Variants in PACRG observed in about 807,000 individuals in gnomAD.
The protein encoded by PACRG is parkin coregulated.
In PACRG, 29 loss-of-function variants were observed where a neutral mutation model predicts 29.7. The observed-to-expected ratio is 0.98, with a 90% CI of 0.73 to 1.33. The LOEUF is 1.33. Among genes scored for constraint, PACRG ranks in the 40% most tolerant of loss-of-function variants. PACRG has a pLI of 0.00. For synonymous variants in PACRG, 116 were observed against 118.7 expected (o/e 0.98, Z 0.15); for missense variants, 279 against 316.2 (o/e 0.88, Z 0.89).
intron 4 of PACRG, among the ~76,000 whole-genome samples, chr6:163,104,265 C>G (rs975612062): frequency 3.3e-5 from 5 of 152,160 alleles, no homozygotes; most frequent in African/African-American, 1.2e-4. Flanking sequence ...CAAACAGAAT[C>G]TTCTAACTTT....
intron 4 of PACRG, among the ~76,000 whole-genome samples, chr6:163,230,173 C>T (rs1444077484): frequency 5.3e-5 from 8 of 152,130 alleles, no homozygotes; most frequent in Admixed American, 5.2e-4. Context: ...TTTTAAAGAG[C>T]TTAGCAAATA....
intron 2 of PACRG, among the ~76,000 whole-genome samples, chr6:162,968,982 G>T (rs539513284): frequency 1.4e-5 from 2 of 147,388 alleles, no homozygotes; most frequent in African/African-American, 5.1e-5. Context: ...AGGAAGCGAA[G>T]GTTGCAGTGA....
At chr6:163,253,485 G>C (rs116257931) in intron 4 of PACRG, among the ~76,000 whole-genome samples, 1 of 152,228 alleles carries the variant, frequency 6.6e-6, no homozygotes, top group Non-Finnish European at 1.5e-5. Context: ...CTAAATGTCT[G>C]TCTATCTAAA....
At chr6:162,980,742 A>G (rs767649695) in intron 2 of PACRG, among the ~76,000 whole-genome samples, 1 of 152,172 alleles carries the variant, frequency 6.6e-6, no homozygotes, top group Non-Finnish European at 1.5e-5. Flanking sequence ...TATTTGCCTG[A>G]TATAAATATT....
At chr6:163,272,909 T>TTTTTTTTTTTTTG (rs1783890312) in intron 4 of PACRG, among the ~76,000 whole-genome samples, 1 of 132,324 alleles carries the variant, frequency 7.6e-6, no homozygotes, top group African/African-American at 3.3e-5. Flanking sequence ...TTTTTTTTTT[T>TTTTTTTTTTTTTG]GAGACGGAGT....
chr6:162,882,930 G>A (rs9295202), intron 2 of PACRG, among the ~76,000 whole-genome samples: 59,677 of 152,074 alleles, frequency 0.39, 12,113 homozygotes, highest in Middle Eastern at 0.45. Flanking sequence ...TAGCATTTGT[G>A]TGAATGCTTA....
chr6:163,166,097 A>G (rs1289679384), intron 4 of PACRG: 3 of 456,298 alleles, frequency 6.6e-6, no homozygotes, highest in South Asian at 1.5e-5. Flanking sequence ...AGAAGCTCCA[A>G]TTCCTCGGCT....
chr6:163,018,641 T>A (rs1037740797), intron 2 of PACRG, among the ~76,000 whole-genome samples: 2 of 152,232 alleles, frequency 1.3e-5, no homozygotes, highest in African/African-American at 4.8e-5. Context: ...ATTTTATTTT[T>A]ATTTTCAGTG....
intron 2 of PACRG, among the ~76,000 whole-genome samples, chr6:162,944,840 G>A (rs555364646): frequency 6.6e-6 from 1 of 151,986 alleles, no homozygotes; most frequent in African/African-American, 2.4e-5. Flanking sequence ...ACACCATAAA[G>A]TGTCCAAATA....
At chr6:162,875,207 TCACA>T (rs939269046) in intron 2 of PACRG, among the ~76,000 whole-genome samples, 9 of 138,846 alleles carry the variant, frequency 6.5e-5, no homozygotes, top group South Asian at 2.4e-4. Context: ...CCACGCACAT[TCACA>T]CACACACATG....
chr6:163,012,794 C>T (rs920487256), intron 2 of PACRG, among the ~76,000 whole-genome samples: 1 of 152,210 alleles, frequency 6.6e-6, no homozygotes, highest in African/African-American at 2.4e-5. Flanking sequence ...GTGCAGGCAC[C>T]ATCTCCGCTT....
intron 4 of PACRG, among the ~76,000 whole-genome samples, chr6:163,213,127 T>C (rs112623861): frequency 0.16 from 24,852 of 152,090 alleles, 2,252 homozygotes; most frequent in Middle Eastern, 0.27. Context: ...GGCTATGAAA[T>C]GGACAAATTA....
intron 2 of PACRG, among the ~76,000 whole-genome samples, chr6:162,968,668 T>C (rs562480385): frequency 6.6e-6 from 1 of 152,260 alleles, no homozygotes; most frequent in East Asian, 1.9e-4. Context: ...ATTACCCGAC[T>C]TGCAATCAAA....
intron 4 of PACRG, chr6:163,182,463 G>A (rs898739148): frequency 6.6e-6 from 1 of 152,140 alleles, no homozygotes; most frequent in African/African-American, 2.4e-5. Flanking sequence ...AATAACAATC[G>A]CCTTTAATTT....
chr6:162,880,905 G>A (rs1353055668), intron 2 of PACRG, among the ~76,000 whole-genome samples: 3 of 152,350 alleles, frequency 2.0e-5, no homozygotes, highest in East Asian at 1.9e-4. Context: ...GGGGTGCATC[G>A]TTCAGGGCGT....
intron 4 of PACRG, among the ~76,000 whole-genome samples, chr6:163,225,048 A>G (rs1458195178): frequency 1.3e-5 from 2 of 152,238 alleles, no homozygotes; most frequent in African/African-American, 2.4e-5. Context: ...CTGAATAGAC[A>G]TTTCTCAAAA....
At chr6:163,205,925 A>G (rs1024342115) in intron 4 of PACRG, among the ~76,000 whole-genome samples, 1 of 152,218 alleles carries the variant, frequency 6.6e-6, no homozygotes, top group African/African-American at 2.4e-5. Flanking sequence ...ATTTTTCAAA[A>G]TAAGACACAA....
At chr6:162,959,912 A>T (rs4489134) in intron 2 of PACRG, among the ~76,000 whole-genome samples, 23,689 of 152,198 alleles carry the variant, frequency 0.16, 3,240 homozygotes, top group African/African-American at 0.36. Context: ...TTGAATGAGC[A>T]TAAAACAAAT....
intron 4 of PACRG, among the ~76,000 whole-genome samples, chr6:163,228,662 C>T (rs1585351285): frequency 1.3e-5 from 2 of 152,040 alleles, no homozygotes; most frequent in African/African-American, 2.4e-5. Context: ...CGATGGTGAA[C>T]GATCATGATT....
Sources: allele counts gnomAD v4.1 joint callset (sites outside exome capture counted in the v4.1 genomes callset), GRCh38; gene constraint gnomAD v4.1.1; transcripts MANE v1.5; gene names NCBI Gene and HGNC (gene_info 2026-07-23, HGNC 2026-07-21).